AGBL1: variants seen among roughly 807,000 people sequenced by gnomAD.
The protein encoded by AGBL1 is cytosolic carboxypeptidase 4.
A neutral mutation model predicts 118.9 loss-of-function variants in AGBL1; 130 were observed. The ratio of observed to expected loss-of-function variants is 1.09; its 90% CI spans 0.95 to 1.26. The LOEUF (loss-of-function observed/expected upper bound fraction) is 1.26. Ranked by LOEUF, AGBL1 falls within the 50% of genes most tolerant of loss-of-function variation. AGBL1 has a pLI of 0.00. For missense variants in AGBL1, 1,584 were observed against 1,298.1 expected, an observed-to-expected ratio of 1.22 and a Z score of -3.38; for synonymous variants, 555 against 478.9, an observed-to-expected ratio of 1.16 and a Z score of -2.08.
chr15:86,566,384 C>CT (rs2142299778), intron 21 of AGBL1, among the ~76,000 whole-genome samples: 1 of 152,276 alleles, frequency 6.6e-6, no homozygotes, highest in South Asian at 2.1e-4. Context: ...TCCCCCTCTC[C>CT]TTTTCATTTT....
intron 19 of AGBL1, among the ~76,000 whole-genome samples, chr15:86,526,854 G>A (rs964786433): frequency 1.3e-5 from 2 of 151,958 alleles, no homozygotes; most frequent in Non-Finnish European, 2.9e-5. Flanking sequence ...GAAACAGAAG[G>A]GGGTTGGTGG....
chr15:86,759,245 G>T (rs2077988316), intron 22 of AGBL1, among the ~76,000 whole-genome samples: 1 of 152,072 alleles, frequency 6.6e-6, no homozygotes, highest in East Asian at 1.9e-4. Context: ...TGTTAACAGA[G>T]AAAGCATTTA....
intron 5 of AGBL1, among the ~76,000 whole-genome samples, chr15:86,174,859 GTA>G (rs2077461764): frequency 6.6e-6 from 1 of 152,002 alleles, no homozygotes; most frequent in Admixed American, 6.6e-5. Context: ...CTTGATCATG[GTA>G]TATTATCTTT....
chr15:87,028,833 A>T (rs1171439179), exon 25 of AGBL1: 1 of 1,606,128 alleles, frequency 6.2e-7, no homozygotes, highest in Admixed American at 1.7e-5. Flanking sequence ...AGAGTTTGTG[A>T]CACTTGATGA....
intron 5 of AGBL1, among the ~76,000 whole-genome samples, chr15:86,203,234 G>A (rs181388440): frequency 5.9e-5 from 9 of 152,168 alleles, no homozygotes; most frequent in African/African-American, 1.9e-4. Flanking sequence ...GTACAGATTC[G>A]TTTTTGAAAA....
At chr15:86,687,932 C>G (rs1174619334) in intron 22 of AGBL1, among the ~76,000 whole-genome samples, 1 of 152,102 alleles carries the variant, frequency 6.6e-6, no homozygotes, top group Non-Finnish European at 1.5e-5. Context: ...AGGCACAGTT[C>G]CCCTATATCC....
chr15:86,961,438 G>C (rs72755670), intron 23 of AGBL1, among the ~76,000 whole-genome samples: 1 of 151,982 alleles, frequency 6.6e-6, no homozygotes, highest in Non-Finnish European at 1.5e-5. Context: ...ACCGACTTCA[G>C]TGGGGAGGGC....
At position 86,550,743 on chromosome 15, in the gene AGBL1, T is replaced by C. The variant is rs911479670; in HGVS notation, c.2818-3618T>C. 2.2e-4 allele frequency among the ~76,000 whole-genome samples: 33 copies of C among 152,016 alleles called. 1 individual carries two copies. Among genetic ancestry groups the C allele is most frequent in the African/African-American group, 7.5e-4 (31 of 41,426 alleles). On this transcript the variant is annotated intron_variant, in intron 20 of 22. Transcript: ENST00000614907. ...TAGTATGGAGAACACCTGACTTAACTTACATATAGCAGTTCTTTTCAAAAC... is the reference window on the plus strand; with the variant it reads ...TAGTATGGAGAACACCTGACTTAACCTACATATAGCAGTTCTTTTCAAAAC...
At chr15:86,833,185 G>A (rs1475871389) in intron 22 of AGBL1, among the ~76,000 whole-genome samples, 1 of 152,074 alleles carries the variant, frequency 6.6e-6, no homozygotes, top group Non-Finnish European at 1.5e-5. Flanking sequence ...GATGAGATTT[G>A]GGTGGGACCC....
At chr15:86,590,882 T>C (rs960218052) in intron 21 of AGBL1, among the ~76,000 whole-genome samples, 1 of 152,218 alleles carries the variant, frequency 6.6e-6, no homozygotes, top group African/African-American at 2.4e-5. Flanking sequence ...AACACTTTTA[T>C]TTTCCTCACA....
At chr15:86,607,980 C>T (rs988434837) in intron 21 of AGBL1, among the ~76,000 whole-genome samples, 1 of 152,114 alleles carries the variant, frequency 6.6e-6, no homozygotes, top group African/African-American at 2.4e-5. Flanking sequence ...ACATGTATTG[C>T]TAAGCTGGAG....
chr15:86,281,064 C>G (rs1210796139), intron 16 of AGBL1, among the ~76,000 whole-genome samples: 2 of 152,150 alleles, frequency 1.3e-5, no homozygotes, highest in Non-Finnish European at 2.9e-5. Context: ...TTTTTATGGT[C>G]TTGCCTGTGA....
chr15:86,180,596 C>G (rs1336725851), intron 5 of AGBL1, among the ~76,000 whole-genome samples: 6 of 152,002 alleles, frequency 3.9e-5, no homozygotes, highest in Non-Finnish European at 7.4e-5. Context: ...AGAGGAAAAC[C>G]TTTGTGATCT....
chr15:86,563,543 G>A (rs1437401167), intron 21 of AGBL1, among the ~76,000 whole-genome samples: 2 of 135,948 alleles, frequency 1.5e-5, no homozygotes, highest in Admixed American at 7.2e-5. Flanking sequence ...TACATTTGCT[G>A]AGAAGTGCTT....
intron 17 of AGBL1, among the ~76,000 whole-genome samples, chr15:86,300,331 G>C (rs1362991576): frequency 6.6e-6 from 1 of 152,094 alleles, no homozygotes; most frequent in African/African-American, 2.4e-5. Context: ...ATCTCTGGAA[G>C]ATGCTTCATT....
chr15:86,407,610 T>G lies in AGBL1; in HGVS notation c.2555+10064T>G, dbSNP rs1489276228. On this transcript the variant is annotated intron_variant, in intron 18 of 22. Transcript: ENST00000614907. ...TAGGAAGGTAAAGTTTGTGTACTACTCATTGAAGGTATGATTTTTGTTGAA... is the reference window on the plus strand; with the variant it reads ...TAGGAAGGTAAAGTTTGTGTACTACGCATTGAAGGTATGATTTTTGTTGAA... Among the ~76,000 whole-genome samples, 4 of 152,200 alleles carry G rather than the reference T, an allele frequency of 2.6e-5. No individual in the cohort carries two copies. The East Asian group carries it at 7.7e-4, about 29-fold the overall frequency.
chr15:87,023,720 AC>A (rs2081693861), intron 24 of AGBL1, among the ~76,000 whole-genome samples: 1 of 152,104 alleles, frequency 6.6e-6, no homozygotes, highest in Non-Finnish European at 1.5e-5. Flanking sequence ...TTCAAGAAAG[AC>A]CATATGATAG....
At chr15:86,685,078 G>T (rs74025425) in intron 22 of AGBL1, among the ~76,000 whole-genome samples, 5,977 of 152,222 alleles carry the variant, frequency 0.039, 381 homozygotes, top group African/African-American at 0.13. Context: ...ATATCAAGAT[G>T]TGTGGAAAAT....
intron 18 of AGBL1, among the ~76,000 whole-genome samples, chr15:86,460,654 G>A (rs2082323902): frequency 6.6e-6 from 1 of 152,296 alleles, no homozygotes; most frequent in East Asian, 1.9e-4. Context: ...CATACACCAC[G>A]GGAAATCCTT....
Sources: allele counts gnomAD v4.1 joint callset (sites outside exome capture counted in the v4.1 genomes callset), GRCh38; gene constraint gnomAD v4.1.1; transcripts MANE v1.5; gene names NCBI Gene and HGNC (gene_info 2026-07-23, HGNC 2026-07-21).